RAD54B: variants seen among roughly 807,000 people sequenced by gnomAD.
RAD54B encodes the protein RAD54 homolog B.
A neutral mutation model predicts 95.8 loss-of-function variants in RAD54B; 78 were observed. The observed-to-expected ratio is 0.81, with a 90% CI of 0.68 to 0.98. The LOEUF is 0.98. Among genes scored for constraint, RAD54B ranks in the 50% least tolerant of loss-of-function variants. The probability of loss-of-function intolerance (pLI) is 0.00; values close to 1 mark genes in which losing one functional copy is unlikely to be tolerated. For missense variants in RAD54B, 957 were observed against 1,056.6 expected, an observed-to-expected ratio of 0.91 and a Z score of 1.31; for synonymous variants, 328 against 354.9, an observed-to-expected ratio of 0.92 and a Z score of 0.85.
At position 94,429,424 on chromosome 8, in the gene RAD54B, C is replaced by T. The variant is rs934039380; in HGVS notation, c.305-18109G>A. 9.6e-5 allele frequency: 87 copies of T among 910,718 alleles called. 1 individual carries two copies. The highest frequency in any genetic ancestry group is 1.1e-4 in the Non-Finnish European group (85 of 762,298). 56.4% of individuals were successfully genotyped at this position (910,718 alleles called of 1,614,324 possible). On this transcript the variant is annotated intron_variant, in intron 3 of 14. Coordinates refer to ENST00000336148, the MANE Select transcript of RAD54B (RefSeq NM_012415.3). ...TTAACACAGATCTCTTTTCTAGAAA[C>T]ATCTCACAGAATTAATGTTCCACAG...
At chr8:94,419,845 C>T (rs555088979) in intron 3 of RAD54B, among the ~76,000 whole-genome samples, 1 of 149,050 alleles carries the variant, frequency 6.7e-6, no homozygotes, top group African/African-American at 2.5e-5. Context: ...AATTATTAAA[C>T]ACTTTAGTAT....
chr8:94,419,440 G>A (rs1438512286), intron 3 of RAD54B, among the ~76,000 whole-genome samples: 4 of 151,994 alleles, frequency 2.6e-5, no homozygotes, highest in Non-Finnish European at 4.4e-5. Flanking sequence ...ACCAGAAGGC[G>A]GAGGTTGCAG....
intron 13 of RAD54B, 29 bp from the exon 14 acceptor site, chr8:94,378,409 T>C: frequency 6.3e-7 from 1 of 1,581,418 alleles, no homozygotes; most frequent in Non-Finnish European, 8.6e-7. Flanking sequence ...TTAGATTTCC[T>C]TCAGATCTTT....
intron 6 of RAD54B, among the ~76,000 whole-genome samples, chr8:94,402,247 T>G (rs942600005): frequency 6.3e-5 from 9 of 141,966 alleles, no homozygotes; most frequent in Admixed American, 4.4e-4. Flanking sequence ...AATGTGCTAT[T>G]TTTCTTTTTT....
At chr8:94,435,009 C>CTA (rs1175488147) in intron 3 of RAD54B, among the ~76,000 whole-genome samples, 1 of 151,822 alleles carries the variant, frequency 6.6e-6, no homozygotes, top group African/African-American at 2.4e-5. Context: ...ATGCAACTAA[C>CTA]TAAAATTACA....
intron 3 of RAD54B, chr8:94,430,276 A>C (rs1812056788): frequency 1.1e-6 from 1 of 899,516 alleles, no homozygotes; most frequent in South Asian, 5.1e-5. Context: ...GCACCACTGC[A>C]CTCCAACCTA....
chr8:94,425,229 CTTTTTT>C (rs34018801), intron 3 of RAD54B, among the ~76,000 whole-genome samples: 3 of 114,942 alleles, frequency 2.6e-5, no homozygotes, highest in East Asian at 5.0e-4. Context: ...CTTTAATATT[CTTTTTT>C]TTTTTTTTTT....
At chr8:94,438,902 G>A (rs1812333488) in intron 3 of RAD54B, among the ~76,000 whole-genome samples, 1 of 152,100 alleles carries the variant, frequency 6.6e-6, no homozygotes, top group African/African-American at 2.4e-5. Context: ...GACCAGACCG[G>A]GCAACATGGA....
intron 7 of RAD54B, among the ~76,000 whole-genome samples, chr8:94,399,881 C>T (rs768123984): frequency 9.2e-5 from 14 of 152,176 alleles, no homozygotes; most frequent in Admixed American, 3.3e-4. Context: ...CTCTTCCTGG[C>T]TTGCAGAAGA....
intron 13 of RAD54B, 60 bp downstream of exon 13, chr8:94,378,508 C>A: frequency 6.7e-7 from 1 of 1,495,698 alleles, no homozygotes; most frequent in Admixed American, 2.0e-5. Context: ...CACAGGCTAA[C>A]AAAAAATAAT....
intron 10 of RAD54B, among the ~76,000 whole-genome samples, chr8:94,388,638 G>A (rs1810947731): frequency 6.6e-6 from 1 of 152,162 alleles, no homozygotes; most frequent in Non-Finnish European, 1.5e-5. Flanking sequence ...AACACTTTAA[G>A]GGCAGTGAAT....
rs1811017915 is a variant in RAD54B, at chr8:94,391,482, G to A, written c.1809+127C>T. The A allele has an allele frequency of 1.1e-5, 10 of 931,836 alleles. No individual in the cohort carries two copies. The South Asian group carries it at 1.7e-4, about 16-fold the overall frequency. 57.7% of individuals were successfully genotyped at this position (931,836 alleles called of 1,614,324 possible). The stretch of plus-strand genomic sequence containing the variant: ...TAAGCTCTACAGCAGAACCATACTA[G>A]ATAGCCAGCAGAGCTTTTTGAAAAC... On this transcript the variant is annotated intron_variant, in intron 10 of 14. Coordinates refer to ENST00000336148, the MANE Select transcript of RAD54B (RefSeq NM_012415.3).
At chr8:94,472,735 G>T (rs1471426003) in intron 1 of RAD54B, among the ~76,000 whole-genome samples, 2 of 152,142 alleles carry the variant, frequency 1.3e-5, no homozygotes, top group South Asian at 4.1e-4. Flanking sequence ...CTTTGGGGAA[G>T]CTATTTAACT....
intron 7 of RAD54B, 49 bp downstream of exon 7, chr8:94,400,189 A>AAACTAGATTTTTTTT: frequency 1.3e-6 from 2 of 1,516,064 alleles, no homozygotes; most frequent in South Asian, 2.3e-5. Flanking sequence ...CTGATTTGAA[A>AAACTAGATTTTTTTT]AACTAGATTT....
chr8:94,376,546 TAGGG>T (rs1407842812), intron 14 of RAD54B, among the ~76,000 whole-genome samples: 1 of 151,438 alleles, frequency 6.6e-6, no homozygotes, highest in East Asian at 1.9e-4. Context: ...AAAAATTTAA[TAGGG>T]AGGATAAAGT....
intron 3 of RAD54B, among the ~76,000 whole-genome samples, chr8:94,420,081 G>A (rs1811767513): frequency 6.6e-6 from 1 of 152,080 alleles, no homozygotes; most frequent in Admixed American, 6.6e-5. Flanking sequence ...GCCTAGGTGT[G>A]TAGCAGGCTA....
intron 14 of RAD54B, among the ~76,000 whole-genome samples, chr8:94,374,136 A>G (rs1376828052): frequency 3.3e-5 from 5 of 152,108 alleles, no homozygotes; most frequent in South Asian, 2.1e-4. Context: ...AAAATTAGCC[A>G]GACGTGGTGG....
In RAD54B at chr8:94,431,581, A is replaced by G. The variant is rs766581779; in HGVS notation, c.305-20266T>C. On this transcript the variant is annotated intron_variant, in intron 3 of 14. Coordinates refer to ENST00000336148, the MANE Select transcript of RAD54B (RefSeq NM_012415.3). ...CTTTGTTACCCTAAGTAAGTCATTG[A>G]GTTCTCCCTGGACCTGTTTCATTAC... 1.6e-4 allele frequency: 151 copies of G among 923,226 alleles called. 1 individual carries two copies. The highest frequency in any genetic ancestry group is 1.9e-4 in the Non-Finnish European group (145 of 773,534). 57.2% of individuals were successfully genotyped at this position (923,226 alleles called of 1,614,324 possible).
intron 5 of RAD54B, among the ~76,000 whole-genome samples, chr8:94,406,003 T>TACACACACACAC (rs10640285): frequency 0.013 from 1,971 of 148,028 alleles, 25 homozygotes; most frequent in African/African-American, 0.03. Context: ...GAAGTGCTTT[T>TACACACACACAC]ACACACACAC....
Sources: gnomAD v4.1 joint callset for allele counts (sites outside exome capture counted in the v4.1 genomes callset) on GRCh38, gnomAD v4.1.1 for gene constraint, MANE v1.5 for transcripts, NCBI Gene and HGNC (gene_info 2026-07-23, HGNC 2026-07-21) for gene names.